Variants in ECHDC3 observed in about 807,000 individuals in gnomAD.
The protein encoded by ECHDC3 is enoyl-CoA hydratase domain-containing protein 3, mitochondrial.
Under a neutral mutation model 17.9 loss-of-function variants are expected in ECHDC3, and 20 were observed. That is an observed-to-expected ratio of 1.12 (90% CI 0.79 to 1.63). The LOEUF is 1.63. ECHDC3 is among the 40% of genes most tolerant of loss of function. ECHDC3 has a pLI of 0.00. For synonymous variants in ECHDC3, 177 were observed against 149.7 expected, an observed-to-expected ratio of 1.18 and a Z score of -1.33; for missense variants, 407 against 357.7, an observed-to-expected ratio of 1.14 and a Z score of -1.11.
At chr10:11,748,223 G>A (rs1434040558) in intron 2 of ECHDC3, among the ~76,000 whole-genome samples, 7 of 38,564 alleles carry the variant, frequency 1.8e-4, no homozygotes, top group African/African-American at 3.1e-4. Flanking sequence ...GGCAGTTAAC[G>A]TCTTCTTTTT....
rs748851358 is a variant in ECHDC3 at position 11,763,139 on chromosome 10, G to T, written c.592-85G>T. The T allele has an allele frequency of 4.4e-5, 28 of 642,498 alleles. 1 individual carries two copies. The highest frequency in any genetic ancestry group is 1.9e-4 in the Admixed American group (8 of 42,950). The allele number at this position is 642,498 out of a possible 1,614,324, so 39.8% of individuals were successfully genotyped here. A position where few individuals can be genotyped will look rare whatever the true frequency, so the allele number is the denominator to read the frequency against. On this transcript the variant is annotated intron_variant, in intron 4 of 4. Transcript: ENST00000379215. The surrounding 1 kb of genome is among the most constrained non-coding windows in gnomAD (Gnocchi z 4.9). ...GGCGGATGACGTGGTATTTGAGGAA[G>T]CAGGTCATTGAGCCGAGGCGGGACT...
intron 3 of ECHDC3, among the ~76,000 whole-genome samples, chr10:11,751,257 C>T (rs1461758738): frequency 6.6e-6 from 1 of 152,144 alleles, no homozygotes; most frequent in Non-Finnish European, 1.5e-5. Flanking sequence ...AGCCATGGGC[C>T]ACAGGGGAGC....
intron 2 of ECHDC3, 32 bp from the exon 3 acceptor site, chr10:11,749,463 T>C (rs533244535): frequency 1.2e-6 from 2 of 1,611,540 alleles, no homozygotes; most frequent in African/African-American, 1.3e-5. Context: ...TACATCTTTT[T>C]GTTTTCTTTT....
Position 11,763,060 on chromosome 10 carries a change from G to C in ECHDC3, c.592-164G>C, listed in dbSNP as rs1360970000. Among the ~76,000 whole-genome samples the C allele has an allele frequency of 6.6e-6, 1 of 152,176 alleles. No homozygotes were observed. The highest frequency in any genetic ancestry group is 1.5e-5 in the Non-Finnish European group (1 of 68,028). On this transcript the variant is annotated intron_variant, in intron 4 of 4. Coordinates refer to ENST00000379215, the MANE Select transcript of ECHDC3 (RefSeq NM_024693.5). This position sits in a 1 kb window ranked among gnomAD's most constrained non-coding sequence, Gnocchi z 4.9. ...GCCTGGTGTGGTTTCTTCGCTCTTG[G>C]AAAGATCCGCTCTCCTCCCGGGCAG... is the stretch of plus-strand genomic sequence containing the variant.
intron 4 of ECHDC3, among the ~76,000 whole-genome samples, chr10:11,759,662 C>T (rs772601417): frequency 3.3e-5 from 5 of 152,306 alleles, no homozygotes; most frequent in African/African-American, 9.6e-5. Context: ...CTGTAGCACA[C>T]GGTTCTTGCC....
intron 1 of ECHDC3, among the ~76,000 whole-genome samples, chr10:11,743,443 C>A (rs550521998): frequency 3.9e-5 from 6 of 152,242 alleles, no homozygotes; most frequent in Admixed American, 3.9e-4. Context: ...CAGGTGGTTC[C>A]CCGCAGGGGT....
intron 3 of ECHDC3, 31 bp downstream of exon 3, chr10:11,749,623 C>T (rs1832801932): frequency 6.2e-7 from 1 of 1,601,270 alleles, no homozygotes; most frequent in Non-Finnish European, 8.6e-7. Flanking sequence ...ACAGTGCAAA[C>T]CTGCAAATGA....
intron 2 of ECHDC3, among the ~76,000 whole-genome samples, 168 bp downstream of exon 2, chr10:11,747,638 G>A (rs4750093): frequency 0.35 from 53,744 of 151,946 alleles, 9,735 homozygotes; most frequent in East Asian, 0.54. Context: ...TGGTCCTAAC[G>A]CTATTAACTG....
At chr10:11,743,577 C>A (rs1327118297) in intron 1 of ECHDC3, among the ~76,000 whole-genome samples, 1 of 152,246 alleles carries the variant, frequency 6.6e-6, no homozygotes, top group Non-Finnish European at 1.5e-5. Flanking sequence ...CTGCAGACAC[C>A]CTTCCAGCCC....
At chr10:11,755,371 T>C (rs1274879071) in intron 3 of ECHDC3, 37 bp from the exon 4 acceptor site, 2 of 1,396,084 alleles carry the variant, frequency 1.4e-6, no homozygotes, top group Non-Finnish European at 2.0e-6. Context: ...CGTGCCTCCC[T>C]CTGGGTGGAA....
chr10:11,763,077 C>T lies in ECHDC3; in HGVS notation c.592-147C>T. On this transcript the variant is annotated intron_variant, in intron 4 of 4. Coordinates refer to ENST00000379215, the MANE Select transcript of ECHDC3 (RefSeq NM_024693.5). This position sits in a 1 kb window ranked among gnomAD's most constrained non-coding sequence, Gnocchi z 4.9. ...CGCTCTTGGAAAGATCCGCTCTCCT[C>T]CCGGGCAGGAGTTAGGGCACTGAAG... is the stretch of plus-strand genomic sequence containing the variant. The T allele has an allele frequency of 1.7e-6, 1 of 602,362 alleles. No individual in the cohort carries two copies. 37.3% of individuals were successfully genotyped at this position (602,362 alleles called of 1,614,324 possible). A position where few individuals can be genotyped will look rare whatever the true frequency, so the allele number is the denominator to read the frequency against.
rs552661687 is a variant in ECHDC3, at chr10:11,744,785, C to T, written c.170+2039C>T. 7.2e-5 allele frequency among the ~76,000 whole-genome samples: 11 copies of T among 152,224 alleles called. No homozygotes were observed. In the South Asian group the frequency reaches 1.5e-3, roughly 20 times the overall value. ...TCATTCAGGCAATTGAGTGGCACTG[C>T]TCAGATAAGAAAGAGAGGAGAGGGC... On this transcript the variant is annotated intron_variant, in intron 1 of 4. Coordinates refer to ENST00000379215, the MANE Select transcript of ECHDC3 (RefSeq NM_024693.5).
chr10:11,744,501 G>A (rs140212015), intron 1 of ECHDC3, among the ~76,000 whole-genome samples: 37 of 152,284 alleles, frequency 2.4e-4, no homozygotes, highest in Non-Finnish European at 5.1e-4. Context: ...ATGATCTTCA[G>A]ACAGCTCATG....
chr10:11,747,578 C>A, intron 2 of ECHDC3, 108 bp downstream of exon 2: 6 of 1,355,830 alleles, frequency 4.4e-6, no homozygotes, highest in Non-Finnish European at 6.1e-6. Flanking sequence ...TGTTTTGAAG[C>A]TCCTTTACAA....
chr10:11,751,716 C>G (rs1832826877), intron 3 of ECHDC3, among the ~76,000 whole-genome samples: 1 of 152,186 alleles, frequency 6.6e-6, no homozygotes, highest in South Asian at 2.1e-4. Context: ...GAACTTGGCT[C>G]TGGAAGAGTG....
chr10:11,764,026 T>G lies in ECHDC3; in HGVS notation c.*482T>G. ...TAGAGACTTAATCATGCCTATGGCT[T>G]TGAATAATCTTATGTGATTTAAATA... On this transcript the variant is annotated 3_prime_UTR_variant, in exon 5 of 5. Coordinates refer to ENST00000379215, the MANE Select transcript of ECHDC3 (RefSeq NM_024693.5). The G allele has an allele frequency of 1.2e-6, 1 of 852,022 alleles. No homozygotes were observed. The highest frequency in any genetic ancestry group is 1.4e-6 in the Non-Finnish European group (1 of 708,034). The allele number at this position is 852,022 out of a possible 1,614,324, so 52.8% of individuals were successfully genotyped here. A position where few individuals can be genotyped will look rare whatever the true frequency, so the allele number is the denominator to read the frequency against.
chr10:11,749,498 A>C lies in ECHDC3; in HGVS notation c.296A>C (p.Glu99Ala). 6.2e-7 allele frequency: 1 copy of C among 1,614,034 alleles called. No individual in the cohort carries two copies. Among genetic ancestry groups the C allele is most frequent in the Non-Finnish European group, 8.5e-7 (1 of 1,180,012 alleles). The change falls in exon 3 of 5, where the codon GAG becomes GCG. Residue 99 changes from glutamate to alanine, a missense_variant. Glu to Ala is a moderately radical substitution (Grantham distance 107). Transcript: ENST00000379215. ...NDLKVIIISA[E>A]GPVFSSGHDL... ...TCTCAATTGGAAACATTTGCAGCTG[A>C]GGGGCCTGTGTTTTCTTCTGGGCAT...
chr10:11,763,737 G>A lies in ECHDC3; in HGVS notation c.*193G>A. On this transcript the variant is annotated 3_prime_UTR_variant, in exon 5 of 5. Transcript: ENST00000379215. The surrounding 1 kb of genome is among the most constrained non-coding windows in gnomAD (Gnocchi z 4.9). Reference sequence around the variant, plus strand: ...GGACAAAATGGAGAGTGACTGAGGTGCTGACCTCAGTGCAAGGCTGGTGAA... The same window carrying A: ...GGACAAAATGGAGAGTGACTGAGGTACTGACCTCAGTGCAAGGCTGGTGAA... 7.1e-7 allele frequency: 1 copy of A among 1,399,106 alleles called. No individual in the cohort carries two copies. Among genetic ancestry groups the A allele is most frequent in the South Asian group, 1.6e-5 (1 of 63,852 alleles). 86.7% of individuals were successfully genotyped at this position (1,399,106 alleles called of 1,614,324 possible). A position where few individuals can be genotyped will look rare whatever the true frequency, so the allele number is the denominator to read the frequency against.
intron 4 of ECHDC3, among the ~76,000 whole-genome samples, chr10:11,761,194 A>G (rs1832946757): frequency 6.6e-6 from 1 of 151,938 alleles, no homozygotes; most frequent in Non-Finnish European, 1.5e-5. Flanking sequence ...TGGCTTAAAA[A>G]CCTTCTAGAT....
Sources: gnomAD v4.1 joint callset for allele counts (sites outside exome capture counted in the v4.1 genomes callset) on GRCh38, gnomAD v4.1.1 for gene constraint, Gnocchi (gnomAD v3.1) non-coding constraint, MANE v1.5 for transcripts, NCBI Gene and HGNC (gene_info 2026-07-23, HGNC 2026-07-21) for gene names.